Variants in TTN observed in about 807,000 individuals in gnomAD.
TTN encodes the protein titin, also known as connectin.
TTN carries 1,525 observed loss-of-function variants against 3,223.0 expected under a neutral mutation model. The observed-to-expected ratio is 0.47, with a 90% CI of 0.45 to 0.49. The LOEUF (loss-of-function observed/expected upper bound fraction) is 0.49, where lower values mean the gene tolerates loss of function less well. Ranked by LOEUF, TTN falls within the 20% of genes least tolerant of loss-of-function variation. The pLI, the probability that TTN is intolerant of heterozygous loss-of-function variation, is 0.00. For synonymous variants in TTN, 14,094 were observed against 15,161.0 expected, an observed-to-expected ratio of 0.93 and a Z score of 5.17; for missense variants, 40,786 against 43,424.0, an observed-to-expected ratio of 0.94 and a Z score of 5.40.
Position 178,704,708 on chromosome 2 carries a change from C to G in TTN, c.29764G>C (p.Asp9922His). Residue 9922 changes from aspartate (D) to histidine (H), a missense_variant, in exon 105 of 363, where the codon GAC becomes CAC. Transcript: ENST00000589042. ...LKDNDAVFEI[D>H]IKINYPEIKL... is the part of the protein sequence containing the mutation. ...ATTTCTGGATAATTAATTTTAATGT[C>G]AATTTCAAAGACAGCATCATTATCT... 1.9e-6 allele frequency: 3 copies of G among 1,611,274 alleles called. No homozygotes were observed. Among genetic ancestry groups the G allele is most frequent in the Non-Finnish European group, 2.5e-6 (3 of 1,179,222 alleles).
intron 45 of TTN, 89 bp downstream of exon 45, chr2:178,757,453 A>G: frequency 1.4e-6 from 2 of 1,451,462 alleles, no homozygotes; most frequent in Middle Eastern, 2.4e-4. Flanking sequence ...ACAGTATGCA[A>G]TAAAACAAAC....
At chr2:178,635,411 T>C in intron 227 of TTN, 29 bp downstream of exon 227, 2 of 1,602,340 alleles carry the variant, frequency 1.2e-6, no homozygotes, top group South Asian at 2.3e-5. Flanking sequence ...GCAAAACTTA[T>C]AATTTGAATA....
rs148273037 is a variant in TTN, at chr2:178,626,526, ATTTG to A, written c.44425-1134_44425-1131del. The stretch of plus-strand genomic sequence containing the variant: ...TGTAAAGTTTTTCACCAGTGGAACT[ATTTG>A]TTATGCTAGTGTAAAGAAAAGAATC... On this transcript the variant is annotated intron_variant, in intron 240 of 362. Transcript: ENST00000589042. Among the ~76,000 whole-genome samples the A allele has an allele frequency of 1.2e-3, 189 of 152,086 alleles. 1 individual carries two copies. Among genetic ancestry groups the A allele is most frequent in the African/African-American group, 4.4e-3 (182 of 41,562 alleles).
Position 178,620,820 on chromosome 2 carries a change from G to A in TTN, c.45790C>T (p.Leu15264Phe). The change falls in exon 247 of 363, where the codon CTC (leucine) becomes TTC (phenylalanine). Residue 15264 changes from leucine to phenylalanine, a missense_variant. Leu to Phe is a conservative substitution (Grantham distance 22, BLOSUM62 0). Transcript: ENST00000589042. ...TCTAAGTGTGCATCTCTAATTCTGA[G>A]GGTGTAGACTAGGTCTTTTTGGAGA... ...IILQKDLVYT[L>F]RIRDAHLDDQ... 4.3e-6 allele frequency: 7 copies of A among 1,612,724 alleles called. No homozygotes were observed. The highest frequency in any genetic ancestry group is 5.9e-6 in the Non-Finnish European group (7 of 1,179,160).
intron 208 of TTN, 113 bp from the exon 209 acceptor site, chr2:178,650,947 T>C: frequency 8.8e-7 from 1 of 1,136,690 alleles, no homozygotes. Context: ...CAAGAACAAA[T>C]TTCACAATAA....
Position 178,557,722 on chromosome 2 carries a change from C to T in TTN, c.87632G>A (p.Arg29211His), listed in dbSNP as rs370948914. ...GCCAAAGCGGTTTTCTGCCTTGATGCGGAATTGGTATTCTTCTCCTGTGGT... is the reference window on the plus strand; with the variant it reads ...GCCAAAGCGGTTTTCTGCCTTGATGTGGAATTGGTATTCTTCTCCTGTGGT... ...KLTTGEEYQF[R>H]IKAENRFGIS... The change falls in exon 328 of 363, where the codon CGC (arginine) becomes CAC (histidine). Residue 29211 changes from arginine to histidine, a missense_variant. Coordinates refer to ENST00000589042, the MANE Select transcript of TTN (RefSeq NM_001267550.2). 4.2e-5 allele frequency: 68 copies of T among 1,613,772 alleles called. No homozygotes were observed. The highest frequency in any genetic ancestry group is 6.7e-5 in the African/African-American group (5 of 74,920).
At chr2:178,667,784 GA>G in intron 159 of TTN, 63 bp from the exon 160 acceptor site, 1 of 1,192,688 alleles carries the variant, frequency 8.4e-7, no homozygotes, top group Non-Finnish European at 1.2e-6. Context: ...AGTGTATTAA[GA>G]AAAATATAAT....
Position 178,570,216 on chromosome 2 carries a change from C to G in TTN, c.75916G>C (p.Asp25306His). Residue 25306 changes from aspartate (D) to histidine (H), a missense_variant, in exon 326 of 363, where the codon GAT (aspartate) becomes CAT (histidine). Physicochemically the swap from Asp to His is moderately conservative, Grantham distance 81 (BLOSUM62 -1). Transcript: ENST00000589042. ...VVAKNPFVVP[D>H]APKAPEVTTV... is the part of the protein sequence containing the mutation. Reference sequence around the variant, plus strand: ...GTGACTTCTGGAGCTTTTGGTGCATCTGGTACTACAAATGGATTCTTGGCA... The same window carrying G: ...GTGACTTCTGGAGCTTTTGGTGCATGTGGTACTACAAATGGATTCTTGGCA... The G allele has an allele frequency of 1.2e-6, 2 of 1,613,394 alleles. No homozygotes were observed.
In TTN at chr2:178,601,009, C is replaced by G; in HGVS notation, c.55895G>C (p.Arg18632Thr). The G allele has an allele frequency of 2.5e-6, 4 of 1,613,082 alleles. No individual in the cohort carries two copies. Among genetic ancestry groups the G allele is most frequent in the Non-Finnish European group, 3.4e-6 (4 of 1,179,374 alleles). Residue 18632 changes from arginine to threonine, a missense_variant, in exon 288 of 363, where the codon AGG becomes ACG. By Grantham distance (71) the Arg-to-Thr change is moderately conservative. Transcript: ENST00000589042. The part of the protein sequence containing the change: ...DPTGTKKEAW[R>T]QCNKRDVEEL... ...TTCCACATCACGCTTATTGCACTGC[C>G]TCCAGGCTTCTTTCTTTGTCCCAGT...
intron 119 of TTN, 95 bp downstream of exon 119, chr2:178,693,514 T>C (rs1226820372): frequency 4.3e-6 from 4 of 920,596 alleles, no homozygotes; most frequent in Non-Finnish European, 6.4e-6. Flanking sequence ...ACACTGTGAC[T>C]AAATCTATTA....
chr2:178,710,738 G>T lies in TTN; in HGVS notation c.28359C>A (p.His9453Gln). ...CTTTGTCTACTTTGAGGACTGTCAG[G>T]TGGGCGCTGTTTTCCAGATAACTAA... ...YQISYLENSA[H>Q]LTVLKVDKGD... is the part of the protein sequence containing the mutation. Residue 9453 changes from histidine (H) to glutamine (Q), a missense_variant, in exon 98 of 363, where the codon CAC becomes CAA. Transcript: ENST00000589042. The T allele has an allele frequency of 6.2e-7, 1 of 1,613,838 alleles. No homozygotes were observed. The highest frequency in any genetic ancestry group is 8.5e-7 in the Non-Finnish European group (1 of 1,179,822).
intron 234 of TTN, 59 bp downstream of exon 234, chr2:178,632,859 G>C: frequency 6.2e-7 from 1 of 1,612,018 alleles, no homozygotes; most frequent in Non-Finnish European, 8.5e-7. Flanking sequence ...TCAATGCAGG[G>C]GTGTATCAGG....
chr2:178,744,065 G>A (rs2082988884), intron 47 of TTN, among the ~76,000 whole-genome samples: 1 of 151,828 alleles, frequency 6.6e-6, no homozygotes. Context: ...ACTGATAGAT[G>A]AAAGAAACAT....
chr2:178,777,174 C>A lies in TTN; in HGVS notation c.4789G>T (p.Val1597Leu), dbSNP rs878928245. 2.5e-6 allele frequency: 4 copies of A among 1,613,970 alleles called. No homozygotes were observed. The African/African-American group carries it at 4.0e-5, about 16-fold the overall frequency. ...IVWLKNSDII[V>L]PHKYPKIRIE... is the part of the protein sequence containing the mutation. ...CTGATTTTGGGATATTTATGAGGCA[C>A]AATGATGTCACTGTTTTTCAACCAT... is the stretch of plus-strand genomic sequence containing the variant. The change falls in exon 27 of 363, where the codon GTG becomes TTG. Residue 1597 changes from valine (V) to leucine (L), a missense_variant. Transcript: ENST00000589042.
rs756138575 is a variant in TTN, at chr2:178,727,118, T to C, written c.20247A>G (p.Thr6749=). Residue 6749 remains threonine, a synonymous_variant, in exon 69 of 363, where the codon ACA becomes ACG. Coordinates refer to ENST00000589042, the MANE Select transcript of TTN (RefSeq NM_001267550.2). ...TTACTATAACCTTGGTACTGCAGCT[T>C]GTGCTGCCAGCGGGATTCTGAGCCT... The part of the protein sequence containing the change: ...ICEAQNPAGS[T]SCSTKVIVKE... 15 of 1,592,700 alleles carry C rather than the reference T, an allele frequency of 9.4e-6. No homozygotes were observed. The highest frequency in any genetic ancestry group is 1.3e-5 in the Non-Finnish European group (15 of 1,166,960).
rs187365142 is a variant in TTN, at chr2:178,652,258, G to A, written c.39211+6C>T. On this transcript the variant is annotated splice_donor_region_variant and intron_variant, in intron 203 of 362. Coordinates refer to ENST00000589042, the MANE Select transcript of TTN (RefSeq NM_001267550.2). ...ATATCAAACACAGCACCATGAGGGTGTCTACCTTTTGTGGGTGGCACTTCA... is the reference window on the plus strand; with the variant it reads ...ATATCAAACACAGCACCATGAGGGTATCTACCTTTTGTGGGTGGCACTTCA... 1,203 of 1,613,398 alleles carry A rather than the reference G, an allele frequency of 7.5e-4. 3 individuals carry two copies. Among genetic ancestry groups the A allele is most frequent in the Non-Finnish European group, 8.8e-4 (1,041 of 1,179,696 alleles).
At position 178,740,953 on chromosome 2, in the gene TTN, A is replaced by G; in HGVS notation, c.12280T>C (p.Tyr4094His). 1 of 1,613,932 alleles carries G rather than the reference A, an allele frequency of 6.2e-7. No homozygotes were observed. Among genetic ancestry groups the G allele is most frequent in the African/African-American group, 1.3e-5 (1 of 75,058 alleles). The change falls in exon 48 of 363, where the codon TAT becomes CAT. Residue 4094 changes from tyrosine to histidine, a missense_variant. By Grantham distance (83) the Tyr-to-His change is moderately conservative. Coordinates refer to ENST00000589042, the MANE Select transcript of TTN (RefSeq NM_001267550.2). ...LITEENQQLS[Y>H]EHIAKANELS... ...TCATTGGCTTTAGCAATATGCTCAT[A>G]AGATAGTTGCTGGTTTTCTTCTGTA... is the stretch of plus-strand genomic sequence containing the variant.
Position 178,692,021 on chromosome 2 carries a change from G to A in TTN, c.31757C>T (p.Pro10586Leu), listed in dbSNP as rs200459347. Residue 10586 changes from proline to leucine, a missense_variant, in exon 121 of 363, where the codon CCA becomes CTA. Transcript: ENST00000589042. ...PVPKKEPAAP[P>L]KVPEVPKKPV... ...CATCATTGGCTCTGGCGTACCTTTTGGGGGAGCAGCAGGTTCCTTCTTAGG... is the reference window on the plus strand; with the variant it reads ...CATCATTGGCTCTGGCGTACCTTTTAGGGGAGCAGCAGGTTCCTTCTTAGG... The A allele has an allele frequency of 9.9e-6, 16 of 1,611,580 alleles. No homozygotes were observed. The highest frequency in any genetic ancestry group is 5.0e-5 in the Admixed American group (3 of 59,762).
chr2:178,595,818 A>G lies in TTN; in HGVS notation c.57545-9T>C. ...AACGGGACCTGGAACATCTGGAAAT[A>G]AGAAGAAAATAATTCAAGCTGTTTG... On this transcript the variant is annotated splice_polypyrimidine_tract_variant and intron_variant, in intron 294 of 362. Coordinates refer to ENST00000589042, the MANE Select transcript of TTN (RefSeq NM_001267550.2). 2 of 1,580,294 alleles carry G rather than the reference A, an allele frequency of 1.3e-6. No individual in the cohort carries two copies. Among genetic ancestry groups the G allele is most frequent in the Non-Finnish European group, 1.7e-6 (2 of 1,163,220 alleles).
Sources: gnomAD v4.1 joint callset for allele counts (sites outside exome capture counted in the v4.1 genomes callset) on GRCh38, gnomAD v4.1.1 for gene constraint, MANE v1.5 for transcripts, NCBI Gene and HGNC (gene_info 2026-07-23, HGNC 2026-07-21) for gene names.